The following DSCAM variants were observed in gnomAD, a reference collection of about 807,000 sequenced individuals.
The protein encoded by DSCAM is DS cell adhesion molecule.
Under a neutral mutation model 217.7 loss-of-function variants are expected in DSCAM, and 47 were observed. The observed-to-expected ratio is 0.22, with a 90% CI of 0.17 to 0.28. DSCAM has a LOEUF of 0.28. Ranked by LOEUF, DSCAM falls within the 10% of genes least tolerant of loss-of-function variation. The pLI is 1.00. For synonymous variants in DSCAM, 1,056 were observed against 1,015.3 expected, an observed-to-expected ratio of 1.04 and a Z score of -0.76; for missense variants, 2,080 against 2,618.3, an observed-to-expected ratio of 0.79 and a Z score of 4.49.
chr21:40,538,165 C>T (rs2837692), intron 3 of DSCAM, among the ~76,000 whole-genome samples: 12,468 of 152,186 alleles, frequency 0.082, 596 homozygotes, highest in Middle Eastern at 0.16. Flanking sequence ...TCTCTCCCAT[C>T]GGTCACTCAC....
chr21:40,368,195 T>C (rs574205133), intron 4 of DSCAM, among the ~76,000 whole-genome samples: 1 of 152,320 alleles, frequency 6.6e-6, no homozygotes, highest in Admixed American at 6.5e-5. Flanking sequence ...CTTTCTTTTC[T>C]GAACATGCCA....
At chr21:40,846,190 G>C (rs1470504126) in intron 1 of DSCAM, among the ~76,000 whole-genome samples, 4 of 152,090 alleles carry the variant, frequency 2.6e-5, no homozygotes, top group Non-Finnish European at 5.9e-5. Context: ...ATCTCAAAAA[G>C]CATTGAATCT....
intron 3 of DSCAM, among the ~76,000 whole-genome samples, chr21:40,536,690 G>A (rs948301614): frequency 2.6e-5 from 4 of 152,202 alleles, no homozygotes; most frequent in Admixed American, 6.5e-5. Flanking sequence ...ACAGGCGTGA[G>A]CCACTGCACC....
intron 10 of DSCAM, among the ~76,000 whole-genome samples, chr21:40,293,034 C>T (rs1288127890): frequency 6.6e-6 from 1 of 152,156 alleles, no homozygotes; most frequent in Non-Finnish European, 1.5e-5. Context: ...CTGCACTTGG[C>T]CCATTACGAT....
chr21:40,288,764 A>C (rs1041998676), intron 10 of DSCAM, among the ~76,000 whole-genome samples: 57 of 152,250 alleles, frequency 3.7e-4, no homozygotes, highest in Non-Finnish European at 5.6e-4. Flanking sequence ...ACTAATGGCT[A>C]TGTGCCAGAA....
At chr21:40,825,266 TTTCCTTCCTTCCTTCCTTCCTTCCTTCC>T (rs142604153) in intron 1 of DSCAM, among the ~76,000 whole-genome samples, 1 of 139,952 alleles carries the variant, frequency 7.1e-6, no homozygotes, top group African/African-American at 2.7e-5. Flanking sequence ...ATTTTCTTTC[TTTCCTTCCTTCCTTCCTTCCTTCCTTCC>T]TTCCTTCCTT....
chr21:40,434,690 C>T (rs1462502559), intron 3 of DSCAM, among the ~76,000 whole-genome samples: 4 of 152,064 alleles, frequency 2.6e-5, no homozygotes, highest in African/African-American at 9.7e-5. Flanking sequence ...CTGATATGCC[C>T]TGTGTATAAT....
intron 11 of DSCAM, among the ~76,000 whole-genome samples, chr21:40,204,505 T>C (rs1475642348): frequency 1.3e-5 from 2 of 152,218 alleles, no homozygotes; most frequent in African/African-American, 4.8e-5. Flanking sequence ...AACGTTCTCA[T>C]AAAGGAAAAC....
At chr21:40,047,518 C>T (rs1396908963) in intron 30 of DSCAM, among the ~76,000 whole-genome samples, 1 of 152,182 alleles carries the variant, frequency 6.6e-6, no homozygotes, top group East Asian at 1.9e-4. Flanking sequence ...CCTAATTAAG[C>T]TTCTGCCCAT....
intron 32 of DSCAM, among the ~76,000 whole-genome samples, chr21:40,035,640 G>T (rs1428354977): frequency 1.3e-5 from 2 of 148,896 alleles, no homozygotes; most frequent in African/African-American, 5.1e-5. Context: ...CCCAGGAATT[G>T]AACTCAGCTC....
chr21:40,252,514 C>T lies in DSCAM; in HGVS notation c.2356+23583G>A, dbSNP rs186454229. ...GGAAAAAGAGAAATATTTCTATCACCATCTTTTGAGTGTTGGGATAAGGAG... is the reference window on the plus strand; with the variant it reads ...GGAAAAAGAGAAATATTTCTATCACTATCTTTTGAGTGTTGGGATAAGGAG... On this transcript the variant is annotated intron_variant, in intron 11 of 32. Transcript: ENST00000400454. Among the ~76,000 whole-genome samples the T allele has an allele frequency of 4.6e-5, 7 of 152,166 alleles. No homozygotes were observed. In the East Asian group the frequency reaches 1.3e-3, roughly 29 times the overall value.
chr21:40,100,454 T>C (rs1329749213), intron 20 of DSCAM, among the ~76,000 whole-genome samples: 1 of 152,170 alleles, frequency 6.6e-6, no homozygotes, highest in East Asian at 1.9e-4. Context: ...TTTTATTGGA[T>C]ACCAGATTTT....
rs147222171 is a variant in DSCAM, at chr21:40,044,066, G to C, written c.5383+12C>G. ...GGTCCCCAGGGACGGAGGAGGCAGC[G>C]TCAGGGCCTACCTGTGTCTTGCGAG... On this transcript the variant is annotated intron_variant, in intron 31 of 32. Coordinates refer to ENST00000400454, the MANE Select transcript of DSCAM (RefSeq NM_001389.5). 1.1e-3 allele frequency: 1,854 copies of C among 1,612,896 alleles called. 12 individuals carry two copies. In the Middle Eastern group the frequency reaches 0.014, roughly 12 times the overall value.
chr21:40,551,863 T>C (rs948020113), intron 3 of DSCAM, among the ~76,000 whole-genome samples: 1 of 152,194 alleles, frequency 6.6e-6, no homozygotes, highest in Admixed American at 6.5e-5. Context: ...TGATGGCCTC[T>C]GTTCCTGTCA....
intron 3 of DSCAM, among the ~76,000 whole-genome samples, chr21:40,559,187 G>A (rs952872020): frequency 2.0e-5 from 3 of 152,204 alleles, no homozygotes; most frequent in South Asian, 2.1e-4. Context: ...GGCCGGGCAC[G>A]GTGGCTCAAG....
intron 1 of DSCAM, among the ~76,000 whole-genome samples, chr21:40,777,077 G>A (rs750772644): frequency 1.4e-4 from 22 of 152,208 alleles, no homozygotes; most frequent in Non-Finnish European, 2.8e-4. Flanking sequence ...CACAGTTCTG[G>A]AGGCCAAGAA....
At chr21:40,775,759 T>C (rs541140676) in intron 1 of DSCAM, among the ~76,000 whole-genome samples, 27 of 152,308 alleles carry the variant, frequency 1.8e-4, no homozygotes, top group African/African-American at 6.3e-4. Context: ...GTATAAACAT[T>C]GGAACTTCCT....
intron 3 of DSCAM, among the ~76,000 whole-genome samples, chr21:40,453,951 G>C (rs948352097): frequency 1.4e-4 from 22 of 152,202 alleles, no homozygotes; most frequent in African/African-American, 4.6e-4. Flanking sequence ...CCTGGCACAT[G>C]AAACTATTCT....
intron 11 of DSCAM, among the ~76,000 whole-genome samples, chr21:40,210,977 C>T (rs1295820796): frequency 1.3e-5 from 2 of 152,212 alleles, no homozygotes; most frequent in Non-Finnish European, 2.9e-5. Flanking sequence ...GGAACTATTC[C>T]ACACCACAGA....
Sources: allele counts gnomAD v4.1 joint callset (sites outside exome capture counted in the v4.1 genomes callset), GRCh38; gene constraint gnomAD v4.1.1; transcripts MANE v1.5; gene names NCBI Gene and HGNC (gene_info 2026-07-23, HGNC 2026-07-21).